Variants in CYP20A1 observed in about 807,000 individuals in gnomAD.
CYP20A1 encodes cytochrome P450 family 20 subfamily A member 1, also known as cytochrome P450 20A1.
A neutral mutation model predicts 61.4 loss-of-function variants in CYP20A1; 61 were observed. The observed-to-expected ratio is 0.99, with a 90% CI of 0.81 to 1.23. CYP20A1 has a LOEUF of 1.23. Ranked by LOEUF, CYP20A1 falls within the 50% of genes most tolerant of loss-of-function variation. The pLI is 0.00. For missense variants in CYP20A1, 530 were observed against 542.4 expected, an observed-to-expected ratio of 0.98 and a Z score of 0.23; for synonymous variants, 193 against 188.2, an observed-to-expected ratio of 1.03 and a Z score of -0.21.
intron 12 of CYP20A1, 55 bp downstream of exon 12, chr2:203,296,618 G>A (rs973705819): frequency 2.8e-6 from 4 of 1,452,404 alleles, no homozygotes; most frequent in Non-Finnish European, 2.8e-6. Flanking sequence ...CACTGTTGAT[G>A]AGAATGGGCA....
At chr2:203,275,085 G>A (rs757292851) in intron 6 of CYP20A1, among the ~76,000 whole-genome samples, 2 of 152,156 alleles carry the variant, frequency 1.3e-5, no homozygotes, top group Non-Finnish European at 2.9e-5. Flanking sequence ...ATCAGTTGGA[G>A]AACTTAAAGC....
intron 5 of CYP20A1, among the ~76,000 whole-genome samples, chr2:203,269,535 C>T (rs2067475478): frequency 6.7e-6 from 1 of 149,560 alleles, no homozygotes; most frequent in African/African-American, 2.5e-5. Context: ...GCTCTTATCG[C>T]ACAGGCTAGA....
chr2:203,288,061 CTTTTTTTTT>C (rs869173270), intron 9 of CYP20A1, among the ~76,000 whole-genome samples: 1 of 70,444 alleles, frequency 1.4e-5, no homozygotes, highest in African/African-American at 6.5e-5. Flanking sequence ...TTCTCTCTCT[CTTTTTTTTT>C]TTTTTTTTTT....
At chr2:203,271,030 GTA>G (rs1483078607) in intron 5 of CYP20A1, among the ~76,000 whole-genome samples, 11 of 104,924 alleles carry the variant, frequency 1.0e-4, no homozygotes, top group East Asian at 2.6e-4. Flanking sequence ...TAGTTTGAGT[GTA>G]TATATATATA....
intron 8 of CYP20A1, among the ~76,000 whole-genome samples, chr2:203,283,241 G>A (rs2068117988): frequency 9.2e-6 from 1 of 109,156 alleles, no homozygotes; most frequent in African/African-American, 3.4e-5. Flanking sequence ...TTTTGAGGCA[G>A]AGTCTCACTC....
rs555166516 is a variant in CYP20A1 at position 203,304,995 on chromosome 2, G to A, written c.*8087G>A. Among the ~76,000 whole-genome samples, 8 of 152,130 alleles carry A rather than the reference G, an allele frequency of 5.3e-5. No homozygotes were observed. The highest frequency in any genetic ancestry group is 1.9e-4 in the East Asian group (1 of 5,172). On this transcript the variant is annotated 3_prime_UTR_variant, in exon 13 of 13. Coordinates refer to ENST00000356079, the MANE Select transcript of CYP20A1 (RefSeq NM_177538.3). ...TTACTTCATTTTTGTAAGAGCTTCA[G>A]GGAATAGGCTTTTTTAAAGGGAATA...
At chr2:203,251,815 A>ATATATATATATATATATATATATG (rs377306363) in intron 3 of CYP20A1, 152 bp from the exon 4 acceptor site, 3 of 89,756 alleles carry the variant, frequency 3.3e-5, no homozygotes, top group Admixed American at 1.4e-4. Flanking sequence ...ATATATATAT[A>ATATATATATATATATATATATATG]TAAAAAATAA....
chr2:203,247,068 C>G, intron 3 of CYP20A1, 147 bp downstream of exon 3: 1 of 670,658 alleles, frequency 1.5e-6, no homozygotes. Flanking sequence ...CGAGACCAGC[C>G]TGGCCAACAT....
chr2:203,277,382 A>C (rs545931987), intron 6 of CYP20A1, among the ~76,000 whole-genome samples: 31 of 151,678 alleles, frequency 2.0e-4, no homozygotes, highest in South Asian at 4.2e-4. Flanking sequence ...TGTTTCTTGG[A>C]GAATACGTTA....
chr2:203,272,004 G>GCAACA (rs1345317820), intron 5 of CYP20A1, among the ~76,000 whole-genome samples: 71 of 152,178 alleles, frequency 4.7e-4, no homozygotes, highest in Non-Finnish European at 5.6e-4. Flanking sequence ...TCCAGCCTAG[G>GCAACA]CAACACAGTG....
In CYP20A1 at chr2:203,279,520, G is replaced by A. The variant is rs1352217890; in HGVS notation, c.796-539G>A. On this transcript the variant is annotated intron_variant, in intron 7 of 12. Coordinates refer to ENST00000356079, the MANE Select transcript of CYP20A1 (RefSeq NM_177538.3). ...TTTGTGGTATTGTCAGGCCAGTGAGGTGAGTTGTTATTGCCACACCTCTTC... is the reference window on the plus strand; with the variant it reads ...TTTGTGGTATTGTCAGGCCAGTGAGATGAGTTGTTATTGCCACACCTCTTC... Among the ~76,000 whole-genome samples the A allele has an allele frequency of 3.3e-5, 5 of 152,232 alleles. No individual in the cohort carries two copies. In the South Asian group the frequency reaches 1.0e-3, roughly 32 times the overall value.
intron 2 of CYP20A1, 103 bp downstream of exon 2, chr2:203,245,998 TGAG>T: frequency 1.4e-6 from 1 of 738,658 alleles, no homozygotes; most frequent in Non-Finnish European, 2.2e-6. Context: ...TGCCAGCTAC[TGAG>T]GAGGTTGAGG....
intron 11 of CYP20A1, among the ~76,000 whole-genome samples, chr2:203,293,712 G>A (rs138982055): frequency 0.011 from 1,720 of 151,756 alleles, 25 homozygotes; most frequent in African/African-American, 0.039. Context: ...TCGCCCCACC[G>A]TTTCCCCCAA....
chr2:203,243,847 C>T (rs1179748332), intron 1 of CYP20A1, among the ~76,000 whole-genome samples: 2 of 151,660 alleles, frequency 1.3e-5, no homozygotes, highest in African/African-American at 2.4e-5. Flanking sequence ...GGCCACTGCA[C>T]CCGGCGAATT....
intron 1 of CYP20A1, 80 bp from the exon 2 acceptor site, chr2:203,245,766 G>T: frequency 1.4e-6 from 1 of 707,702 alleles, no homozygotes; most frequent in Non-Finnish European, 2.4e-6. Flanking sequence ...ATTATTTAAG[G>T]TCCTGCAGAT....
chr2:203,242,137 C>T (rs770387639), intron 1 of CYP20A1, among the ~76,000 whole-genome samples: 1 of 151,878 alleles, frequency 6.6e-6, no homozygotes, highest in African/African-American at 2.4e-5. Context: ...CCACCGTGCC[C>T]AACCTAATTT....
At chr2:203,250,861 G>A (rs867988844) in intron 3 of CYP20A1, among the ~76,000 whole-genome samples, 2 of 151,784 alleles carry the variant, frequency 1.3e-5, no homozygotes, top group African/African-American at 4.8e-5. Context: ...TCAGGAGATC[G>A]AGACCATCCT....
intron 9 of CYP20A1, among the ~76,000 whole-genome samples, chr2:203,289,393 G>A (rs938532257): frequency 6.6e-6 from 1 of 151,938 alleles, no homozygotes; most frequent in Non-Finnish European, 1.5e-5. Context: ...GTTAGGTTAT[G>A]TATATTTTTC....
In CYP20A1 at chr2:203,254,091, C is replaced by T. The variant is rs1328583129; in HGVS notation, c.432+1982C>T. On this transcript the variant is annotated intron_variant, in intron 4 of 12. Transcript: ENST00000356079. ...CCTCCCGAGTAGCTGGGATTACAGG[C>T]GCCTGCCACCATGCCCAGCTCATTT... 4.2e-5 allele frequency among the ~76,000 whole-genome samples: 5 copies of T among 118,790 alleles called. No individual in the cohort carries two copies. The South Asian group carries it at 1.0e-3, about 25-fold the overall frequency. The allele number at this position is 118,790 out of a possible 152,430, so 77.9% of individuals were successfully genotyped here. A position where few individuals can be genotyped will look rare whatever the true frequency, so the allele number is the denominator to read the frequency against.
Sources: allele counts gnomAD v4.1 joint callset (sites outside exome capture counted in the v4.1 genomes callset), GRCh38; gene constraint gnomAD v4.1.1; transcripts MANE v1.5; gene names NCBI Gene and HGNC (gene_info 2026-07-23, HGNC 2026-07-21).